Variants in EPHA6 observed in about 807,000 individuals in gnomAD.
EPHA6 encodes ephrin type-A receptor 6.
Under a neutral mutation model 112.0 loss-of-function variants are expected in EPHA6, and 50 were observed. The ratio of observed to expected loss-of-function variants is 0.45; its 90% CI spans 0.36 to 0.56. EPHA6 has a LOEUF of 0.56. EPHA6 is among the 20% of genes least tolerant of loss of function. The pLI is 0.00. For missense variants in EPHA6, 1,280 were observed against 1,417.4 expected (o/e 0.90, Z 1.56); for synonymous variants, 529 against 490.7 (o/e 1.08, Z -1.03).
At chr3:97,145,465 A>T (rs1040367797) in intron 3 of EPHA6, among the ~76,000 whole-genome samples, 1 of 151,200 alleles carries the variant, frequency 6.6e-6, no homozygotes, top group Non-Finnish European at 1.5e-5. Flanking sequence ...TTTTTAAAAA[A>T]TTTTTATTTC....
chr3:96,854,027 G>A (rs1325594688), intron 1 of EPHA6, among the ~76,000 whole-genome samples: 1 of 151,428 alleles, frequency 6.6e-6, no homozygotes, highest in Non-Finnish European at 1.5e-5. Flanking sequence ...TTTTTTGTTT[G>A]TGTTCTCTCA....
chr3:97,049,836 G>T (rs574133657), intron 3 of EPHA6, among the ~76,000 whole-genome samples: 1 of 152,102 alleles, frequency 6.6e-6, no homozygotes, highest in Admixed American at 6.5e-5. Flanking sequence ...ACTCACCCTT[G>T]AGGGGAGATA....
chr3:97,563,033 T>C (rs1487713168), intron 11 of EPHA6, among the ~76,000 whole-genome samples: 1 of 152,204 alleles, frequency 6.6e-6, no homozygotes, highest in Non-Finnish European at 1.5e-5. Context: ...GCATAACTTT[T>C]ATATGCACTT....
intron 3 of EPHA6, among the ~76,000 whole-genome samples, chr3:97,072,274 G>A (rs1238138935): frequency 2.0e-5 from 3 of 152,060 alleles, no homozygotes; most frequent in Non-Finnish European, 4.4e-5. Context: ...AACTTATTTA[G>A]AAATAGAGTC....
intron 11 of EPHA6, among the ~76,000 whole-genome samples, chr3:97,577,226 C>T (rs868045945): frequency 5.3e-5 from 8 of 151,808 alleles, no homozygotes; most frequent in South Asian, 2.1e-4. Context: ...AAATTGTAAA[C>T]GTAGAGTTGG....
intron 5 of EPHA6, among the ~76,000 whole-genome samples, chr3:97,352,410 A>G (rs1253043157): frequency 1.3e-5 from 2 of 152,182 alleles, no homozygotes; most frequent in African/African-American, 4.8e-5. Context: ...TAGGAAAGAC[A>G]GTCTTGAATT....
chr3:97,370,386 A>G (rs2084980133), intron 5 of EPHA6, among the ~76,000 whole-genome samples: 1 of 152,194 alleles, frequency 6.6e-6, no homozygotes, highest in Non-Finnish European at 1.5e-5. Context: ...TATAACATGG[A>G]AAAAGTATGG....
At chr3:97,553,386 C>G (rs1354966603) in intron 11 of EPHA6, among the ~76,000 whole-genome samples, 3 of 152,046 alleles carry the variant, frequency 2.0e-5, no homozygotes, top group Non-Finnish European at 4.4e-5. Flanking sequence ...CTCCCCAACC[C>G]CAGATACTAC....
At chr3:97,670,433 CT>C (rs1350830445) in intron 14 of EPHA6, among the ~76,000 whole-genome samples, 7 of 152,176 alleles carry the variant, frequency 4.6e-5, no homozygotes, top group Non-Finnish European at 8.8e-5. Context: ...GACTTTGCCA[CT>C]TTTTTTCTTT....
chr3:97,453,651 C>T (rs1442589469), intron 7 of EPHA6, among the ~76,000 whole-genome samples: 1 of 151,474 alleles, frequency 6.6e-6, no homozygotes, highest in Non-Finnish European at 1.5e-5. Context: ...TATGTCGTGC[C>T]TTATATATTT....
intron 5 of EPHA6, among the ~76,000 whole-genome samples, chr3:97,280,442 CA>C (rs1366754430): frequency 6.6e-6 from 1 of 152,084 alleles, no homozygotes; most frequent in Non-Finnish European, 1.5e-5. Flanking sequence ...AGCAAGCAAA[CA>C]AAAGGTTGAA....
intron 5 of EPHA6, among the ~76,000 whole-genome samples, chr3:97,383,907 G>C (rs1414244968): frequency 6.6e-6 from 1 of 152,054 alleles, no homozygotes; most frequent in African/African-American, 2.4e-5. Context: ...TCTGGAAAAT[G>C]ATTTCCAAGG....
intron 3 of EPHA6, among the ~76,000 whole-genome samples, chr3:97,098,403 A>C (rs978492244): frequency 6.6e-6 from 1 of 151,904 alleles, no homozygotes; most frequent in African/African-American, 2.4e-5. Flanking sequence ...AGAATTACTG[A>C]ACTCTGCTTG....
intron 5 of EPHA6, among the ~76,000 whole-genome samples, chr3:97,353,346 T>C (rs2083905150): frequency 6.6e-6 from 1 of 151,728 alleles, no homozygotes; most frequent in Non-Finnish European, 1.5e-5. Context: ...GGCCACAGAC[T>C]CCTGTGGCAC....
In EPHA6 at chr3:97,649,764, TCACACA is replaced by T. The variant is rs3064341; in HGVS notation, c.2784+11705_2784+11710del. ...TGGGAAAAAACAACAAAATCACTATTCACACACACACACACACACACACACACAACA... is the reference window on the plus strand; with the variant it reads ...TGGGAAAAAACAACAAAATCACTATTCACACACACACACACACACACAACA... On this transcript the variant is annotated intron_variant, in intron 14 of 17. Transcript: ENST00000389672. Among the ~76,000 whole-genome samples, 1,444 of 148,128 alleles carry T rather than the reference TCACACA, an allele frequency of 9.7e-3. 19 individuals are homozygous for T. The highest frequency in any genetic ancestry group is 0.034 in the African/African-American group (1,363 of 40,572).
Position 96,937,719 on chromosome 3 carries a change from T to C in EPHA6, c.451-49611T>C, listed in dbSNP as rs2040677308. Among the ~76,000 whole-genome samples the C allele has an allele frequency of 3.9e-5, 6 of 152,288 alleles. No individual in the cohort carries two copies. In the South Asian group the frequency reaches 1.2e-3, roughly 32 times the overall value. ...CTGAATGGTATTGCCTAGGTTTTCT[T>C]CTAGGGTTTTTATGGTTTTAGGTCT... On this transcript the variant is annotated intron_variant, in intron 2 of 17. Coordinates refer to ENST00000389672, the MANE Select transcript of EPHA6 (RefSeq NM_001080448.3).
intron 7 of EPHA6, among the ~76,000 whole-genome samples, chr3:97,468,603 A>G (rs2091134330): frequency 6.6e-6 from 1 of 151,626 alleles, no homozygotes; most frequent in Admixed American, 6.6e-5. Context: ...TTTAGGAAAA[A>G]TAAATTTACC....
At chr3:97,449,912 T>A (rs529778300) in intron 7 of EPHA6, among the ~76,000 whole-genome samples, 1 of 152,230 alleles carries the variant, frequency 6.6e-6, no homozygotes, top group South Asian at 2.1e-4. Flanking sequence ...ATTTTGTTGT[T>A]TTTACATTGA....
chr3:97,511,164 C>T (rs929959087), intron 10 of EPHA6, among the ~76,000 whole-genome samples: 1 of 152,100 alleles, frequency 6.6e-6, no homozygotes, highest in Non-Finnish European at 1.5e-5. Context: ...ATGGCTTCAG[C>T]CCCCTTTCCA....
Sources: gnomAD v4.1 joint callset for allele counts (sites outside exome capture counted in the v4.1 genomes callset) on GRCh38, gnomAD v4.1.1 for gene constraint, MANE v1.5 for transcripts, NCBI Gene and HGNC (gene_info 2026-07-23, HGNC 2026-07-21) for gene names.